Variants in ADAM9 observed in about 807,000 individuals in gnomAD.
ADAM9 encodes the protein disintegrin and metalloproteinase domain-containing protein 9.
Under a neutral mutation model 108.1 loss-of-function variants are expected in ADAM9, and 54 were observed. That is an observed-to-expected ratio of 0.50 (90% CI 0.40 to 0.63). ADAM9 has a LOEUF of 0.63. Ranked by LOEUF, ADAM9 falls within the 20% of genes least tolerant of loss-of-function variation. The pLI is 0.00. For synonymous variants in ADAM9, 316 were observed against 336.0 expected, an observed-to-expected ratio of 0.94 and a Z score of 0.65; for missense variants, 830 against 997.7, an observed-to-expected ratio of 0.83 and a Z score of 2.26.
At chr8:39,039,290 A>C (rs1000908068) in intron 11 of ADAM9, among the ~76,000 whole-genome samples, 1 of 152,192 alleles carries the variant, frequency 6.6e-6, no homozygotes, top group African/African-American at 2.4e-5. Context: ...GTAAGATATA[A>C]ATTTTATTGT....
intron 11 of ADAM9, 147 bp from the exon 12 acceptor site, chr8:39,041,799 A>G (rs1837462576): frequency 1.5e-6 from 1 of 683,636 alleles, no homozygotes; most frequent in Admixed American, 2.7e-5. Flanking sequence ...TATCACAAGT[A>G]GATATGAATT....
intron 14 of ADAM9, among the ~76,000 whole-genome samples, chr8:39,056,156 A>G (rs992995498): frequency 1.1e-4 from 17 of 152,074 alleles, no homozygotes; most frequent in African/African-American, 1.7e-4. Flanking sequence ...AGATGAATGG[A>G]TCATGATTTA....
chr8:39,013,694 G>A (rs186316131), intron 3 of ADAM9, among the ~76,000 whole-genome samples: 4 of 151,948 alleles, frequency 2.6e-5, no homozygotes, highest in Non-Finnish European at 4.4e-5. Context: ...TAGTGACAGG[G>A]TCTCACCGTG....
rs113989668 is a variant in ADAM9, at chr8:39,071,719, C to G, written c.1697+316C>G. On this transcript the variant is annotated intron_variant, in intron 15 of 21. Transcript: ENST00000487273. ...TGACTTCGTGATCCGCTCGCCTCAG[C>G]CTCCCAAAGTGCTGGGATTAGAGGC... Among the ~76,000 whole-genome samples, 6 of 152,306 alleles carry G rather than the reference C, an allele frequency of 3.9e-5. 1 individual carries two copies. Among genetic ancestry groups the G allele is most frequent in the African/African-American group, 1.4e-4 (6 of 41,564 alleles).
chr8:39,086,965 A>C (rs1413166518), intron 18 of ADAM9, among the ~76,000 whole-genome samples: 1 of 152,124 alleles, frequency 6.6e-6, no homozygotes, highest in Non-Finnish European at 1.5e-5. Flanking sequence ...TGTGGGGCTT[A>C]TTTCCACCAA....
At position 39,055,565 on chromosome 8, in the gene ADAM9, C is replaced by G. The variant is rs1056845128; in HGVS notation, c.1396-12C>G. 2.5e-6 allele frequency: 4 copies of G among 1,612,662 alleles called. No individual in the cohort carries two copies. The highest frequency in any genetic ancestry group is 3.4e-6 in the Non-Finnish European group (4 of 1,179,012). On this transcript the variant is annotated splice_polypyrimidine_tract_variant and intron_variant, in intron 13 of 21. Transcript: ENST00000487273. Reference sequence around the variant, plus strand: ...CTGATATTTCTGTTTAATTTGAATTCTATTTCACTAGTTCCTTCCAGGAGG... The same window carrying G: ...CTGATATTTCTGTTTAATTTGAATTGTATTTCACTAGTTCCTTCCAGGAGG...
intron 1 of ADAM9, among the ~76,000 whole-genome samples, chr8:39,000,192 C>T (rs1039829207): frequency 3.9e-5 from 6 of 151,970 alleles, no homozygotes; most frequent in African/African-American, 1.2e-4. Flanking sequence ...TGGAGTTTCA[C>T]GGTATTAGCC....
chr8:39,024,851 T>G (rs1293557846), intron 9 of ADAM9, among the ~76,000 whole-genome samples: 1 of 152,080 alleles, frequency 6.6e-6, no homozygotes, highest in Non-Finnish European at 1.5e-5. Flanking sequence ...TATAAAAGCA[T>G]TGGAGGTTGT....
chr8:39,010,638 T>G (rs1279903304), intron 2 of ADAM9, among the ~76,000 whole-genome samples: 1 of 152,234 alleles, frequency 6.6e-6, no homozygotes, highest in Non-Finnish European at 1.5e-5. Context: ...TAAGCACTTG[T>G]GGCTAATGAC....
chr8:39,014,002 A>C lies in ADAM9; in HGVS notation c.292A>C (p.Asn98His), dbSNP rs757052065. The C allele has an allele frequency of 1.9e-6, 3 of 1,613,636 alleles. No individual in the cohort carries two copies. Among genetic ancestry groups the C allele is most frequent in the Non-Finnish European group, 2.5e-6 (3 of 1,179,756 alleles). ...TGAAGATTTTGTGGTTTATACTTAC[A>C]ACAAGGAAGGGACTTTAATCACTGA... ...LPEDFVVYTYNKEGTLITDHP... is the reference protein window; with the variant it reads ...LPEDFVVYTYHKEGTLITDHP... The change falls in exon 4 of 22, where the codon AAC (asparagine) becomes CAC (histidine). Residue 98 changes from asparagine to histidine, a missense_variant. This residue lies in a region of ADAM9 where 211 missense variants were observed against 222.2 expected (regional missense o/e 0.95). Coordinates refer to ENST00000487273, the MANE Select transcript of ADAM9 (RefSeq NM_003816.3).
chr8:39,077,830 A>G (rs897345709), intron 16 of ADAM9, among the ~76,000 whole-genome samples: 17 of 152,206 alleles, frequency 1.1e-4, no homozygotes, highest in African/African-American at 3.6e-4. Context: ...CAGTCAGCCC[A>G]TGACTTATTA....
At chr8:39,058,231 G>A (rs1838188619) in intron 14 of ADAM9, among the ~76,000 whole-genome samples, 1 of 152,138 alleles carries the variant, frequency 6.6e-6, no homozygotes, top group African/African-American at 2.4e-5. Flanking sequence ...CAGTACGTGT[G>A]TGTGAATGCA....
chr8:39,045,386 G>A (rs1366831227), intron 12 of ADAM9, among the ~76,000 whole-genome samples: 3 of 137,292 alleles, frequency 2.2e-5, no homozygotes, highest in Non-Finnish European at 3.2e-5. Context: ...ACACCTATAG[G>A]TGTGTGTACA....
chr8:39,025,587 TGTCTC>T (rs1342564184), intron 9 of ADAM9, among the ~76,000 whole-genome samples: 1 of 152,174 alleles, frequency 6.6e-6, no homozygotes, highest in Non-Finnish European at 1.5e-5. Context: ...GAAACAAACT[TGTCTC>T]GGTATCCAGA....
At chr8:39,020,254 AAAAAC>A (rs1342224734) in intron 7 of ADAM9, among the ~76,000 whole-genome samples, 6 of 152,238 alleles carry the variant, frequency 3.9e-5, no homozygotes, top group African/African-American at 1.2e-4. Context: ...TTCATCTCAA[AAAAAC>A]AAAACAAAAC....
intron 10 of ADAM9, 22 bp downstream of exon 10, chr8:39,025,906 A>G (rs1836904539): frequency 1.2e-6 from 2 of 1,608,800 alleles, no homozygotes; most frequent in East Asian, 4.5e-5. Flanking sequence ...TTGATGTTTA[A>G]CTTTGGATGT....
At chr8:39,075,100 T>G (rs1838812909) in intron 15 of ADAM9, among the ~76,000 whole-genome samples, 1 of 151,806 alleles carries the variant, frequency 6.6e-6, no homozygotes, top group Admixed American at 6.6e-5. Flanking sequence ...AGAGATGGGG[T>G]TTCCCTATGT....
At chr8:39,040,193 A>G (rs533881773) in intron 11 of ADAM9, among the ~76,000 whole-genome samples, 2 of 151,832 alleles carry the variant, frequency 1.3e-5, no homozygotes, top group East Asian at 1.9e-4. Flanking sequence ...GAGATTACAG[A>G]CGTGCACCAC....
rs767148503 is a variant in ADAM9 at position 39,054,619 on chromosome 8, A to AG, written c.1395+46_1395+47insG. The AG allele has an allele frequency of 3.4e-5, 51 of 1,514,862 alleles. No homozygotes were observed. In the Admixed American group the frequency reaches 5.1e-4, roughly 15 times the overall value. 93.8% of individuals were successfully genotyped at this position (1,514,862 alleles called of 1,614,324 possible). On this transcript the variant is annotated intron_variant, in intron 13 of 21. Transcript: ENST00000487273. The stretch of plus-strand genomic sequence containing the variant: ...GGAAACAGGAAAAAAAAAAAAAAAA[A>AG]AAAGAAAACCTGTGTATATCAAAAT...
Sources: gnomAD v4.1 joint callset for allele counts (sites outside exome capture counted in the v4.1 genomes callset) on GRCh38, gnomAD v4.1.1 for gene constraint, gnomAD v4.1.1 regional missense constraint, MANE v1.5 for transcripts, NCBI Gene and HGNC (gene_info 2026-07-23, HGNC 2026-07-21) for gene names.